Variants in ANXA9 observed in about 807,000 individuals in gnomAD.
The protein encoded by ANXA9 is annexin A9, also known as annexin 31.
ANXA9 carries 47 observed loss-of-function variants against 51.8 expected under a neutral mutation model. The observed-to-expected ratio is 0.91, with a 90% CI of 0.72 to 1.16. ANXA9 has a LOEUF of 1.16. Among genes scored for constraint, ANXA9 ranks in the 50% most tolerant of loss-of-function variants. The pLI is 0.00. For missense variants in ANXA9, 361 were observed against 424.7 expected, an observed-to-expected ratio of 0.85 and a Z score of 1.32; for synonymous variants, 154 against 168.7, an observed-to-expected ratio of 0.91 and a Z score of 0.68.
chr1:150,982,397 G>A lies in ANXA9; in HGVS notation c.-114+18G>A, dbSNP rs1305973661. ...ACCTCTGAGTAAGTACTGGGCCCAC[G>A]GCCCCATGCCAGGAGGGCTTGTTGA... On this transcript the variant is annotated intron_variant, in intron 1 of 13. Transcript: ENST00000368947. 6.6e-6 allele frequency: 1 copy of A among 152,460 alleles called. No homozygotes were observed. Among genetic ancestry groups the A allele is most frequent in the Non-Finnish European group, 1.5e-5 (1 of 68,096 alleles). 9.4% of individuals were successfully genotyped at this position (152,460 alleles called of 1,614,324 possible).
intron 12 of ANXA9, among the ~76,000 whole-genome samples, chr1:150,993,506 C>T (rs1671755185): frequency 6.6e-6 from 1 of 151,646 alleles, no homozygotes; most frequent in African/African-American, 2.4e-5. Context: ...ACGGGGGTTT[C>T]ACCATGTTGG....
rs1346911091 is a variant in ANXA9 at position 150,984,629 on chromosome 1, C to G, written c.425C>G (p.Thr142Ser). Residue 142 changes from threonine (T) to serine (S), a missense_variant, in exon 7 of 14, where the codon ACT becomes AGT. Coordinates refer to ENST00000368947, the MANE Select transcript of ANXA9 (RefSeq NM_003568.3). ...AVDVAIEILATRTPPQLQECL... is the reference protein window; with the variant it reads ...AVDVAIEILASRTPPQLQECL... ...GACGTGGCCATTGAAATTCTTGCCA[C>G]TCGAACCCCACCCCAGCTGCAGGAG... 1.4e-5 allele frequency: 22 copies of G among 1,614,146 alleles called. No individual in the cohort carries two copies. Among genetic ancestry groups the G allele is most frequent in the Non-Finnish European group, 1.9e-5 (22 of 1,180,040 alleles).
chr1:150,988,405 T>C, intron 12 of ANXA9, 64 bp downstream of exon 12: 1 of 1,584,564 alleles, frequency 6.3e-7, no homozygotes, highest in East Asian at 2.2e-5. Context: ...AAGTCTCAGC[T>C]TGCTGCTTAT....
At chr1:150,983,474 A>T (rs1411615931) in intron 4 of ANXA9, 40 bp downstream of exon 4, 3 of 1,552,896 alleles carry the variant, frequency 1.9e-6, no homozygotes, top group Non-Finnish European at 2.6e-6. Context: ...TGCCTTTTAG[A>T]GCCAATCTGT....
rs779911311 is a variant in ANXA9 at position 150,984,020 on chromosome 1, G to C, written c.218G>C (p.Arg73Thr). Reference protein sequence around the residue: ...AIVDVLTNRSREQRQLISRNF... With the variant: ...AIVDVLTNRSTEQRQLISRNF... ...GTGGACGTGCTGACCAACCGGAGCA[G>C]AGAGCAAAGGCAGCTCATCTCACGA... Residue 73 changes from arginine to threonine, a missense_variant, in exon 5 of 14, where the codon AGA becomes ACA. By Grantham distance (71) the Arg-to-Thr change is moderately conservative (BLOSUM62 -1). Coordinates refer to ENST00000368947, the MANE Select transcript of ANXA9 (RefSeq NM_003568.3). 6.2e-7 allele frequency: 1 copy of C among 1,612,410 alleles called. No homozygotes were observed. Among genetic ancestry groups the C allele is most frequent in the Non-Finnish European group, 8.5e-7 (1 of 1,179,608 alleles).
chr1:150,987,764 C>A, intron 9 of ANXA9, 108 bp from the exon 10 acceptor site: 1 of 907,212 alleles, frequency 1.1e-6, no homozygotes. Context: ...ACCCTCAATC[C>A]CATTTCCATC....
At chr1:150,991,013 G>C (rs1322639980) in intron 12 of ANXA9, among the ~76,000 whole-genome samples, 1 of 151,378 alleles carries the variant, frequency 6.6e-6, no homozygotes, top group East Asian at 2.0e-4. Context: ...CGTGGTAGCG[G>C]GCGCCTGTAG....
chr1:150,982,101 A>C (rs1485132189), upstream of ANXA9: 1 of 152,310 alleles, frequency 6.6e-6, no homozygotes, highest in Non-Finnish European at 1.5e-5. Context: ...AGTGGAGTTC[A>C]CTCACATGGA....
Position 150,994,662 on chromosome 1 carries a change from G to T in ANXA9, c.938G>T (p.Arg313Met), listed in dbSNP as rs375967094. 1 of 1,613,914 alleles carries T rather than the reference G, an allele frequency of 6.2e-7. No individual in the cohort carries two copies. Residue 313 changes from arginine (R) to methionine (M), a missense_variant, in exon 13 of 14, where the codon AGG (arginine) becomes ATG (methionine). By Grantham distance (91) the Arg-to-Met change is moderately conservative. Transcript: ENST00000368947. ...TDLLSIRAEF[R>M]KKFGKSLYSS... Reference sequence around the variant, plus strand: ...CTTCTGAGTATCAGAGCTGAGTTCAGGAAGAAATTTGGGAAGTCCCTCTAC... The same window carrying T: ...CTTCTGAGTATCAGAGCTGAGTTCATGAAGAAATTTGGGAAGTCCCTCTAC...
chr1:150,984,755 A>G (rs1308181821), intron 7 of ANXA9, 79 bp downstream of exon 7: 1 of 1,271,104 alleles, frequency 7.9e-7, no homozygotes, highest in African/African-American at 1.5e-5. Context: ...TACTCCCCAT[A>G]GGTGAGCTAT....
At chr1:150,977,571 C>T (rs1387935327), upstream of ANXA9, among the ~76,000 whole-genome samples, 1 of 152,236 alleles carries the variant, frequency 6.6e-6, no homozygotes, top group Non-Finnish European at 1.5e-5. Flanking sequence ...AGGCCATCTC[C>T]AGGCCTTCAG....
At chr1:150,979,805 A>G (rs1402356958), upstream of ANXA9, among the ~76,000 whole-genome samples, 1 of 152,224 alleles carries the variant, frequency 6.6e-6, no homozygotes, top group African/African-American at 2.4e-5. Context: ...TATATTTGAT[A>G]ACATTGTGAC....
intron 2 of ANXA9, 51 bp downstream of exon 2, chr1:150,982,634 C>T: frequency 6.3e-6 from 1 of 157,730 alleles, no homozygotes; most frequent in Non-Finnish European, 1.4e-5. Context: ...GCTGGGGCTG[C>T]CGGTGGGGGA....
chr1:150,983,955 C>T lies in ANXA9; in HGVS notation c.173-20C>T. 1 of 1,606,254 alleles carries T rather than the reference C, an allele frequency of 6.2e-7. No homozygotes were observed. The stretch of plus-strand genomic sequence containing the variant: ...CTATGTAAAGACCCTGCTCACAGCA[C>T]AGCCCTCATCTCGGTTCAGGCGTGG... On this transcript the variant is annotated intron_variant, in intron 4 of 13. Transcript: ENST00000368947.
rs753247700 is a variant in ANXA9, at chr1:150,983,352, G to A, written c.90G>A (p.Gly30=). ...TGCTCCCACAGACTGCAGCGTGGGG[G>A]ACCCTGGGCACCCTCAGGACCTTCT... ...LGLASKTAAW[G]TLGTLRTFLN... is the part of the protein sequence containing the mutation. The change falls in exon 4 of 14, where the codon GGG becomes GGA. Residue 30 remains glycine, a synonymous_variant. Coordinates refer to ENST00000368947, the MANE Select transcript of ANXA9 (RefSeq NM_003568.3). 6.2e-6 allele frequency: 10 copies of A among 1,614,062 alleles called. No individual in the cohort carries two copies. Among genetic ancestry groups the A allele is most frequent in the African/African-American group, 1.3e-5 (1 of 75,048 alleles).
At chr1:150,987,374 TCTCTCTCA>T (rs1558039746) in intron 9 of ANXA9, among the ~76,000 whole-genome samples, 1 of 59,136 alleles carries the variant, frequency 1.7e-5, no homozygotes, top group Non-Finnish European at 3.8e-5. Context: ...TCTCTCTCTC[TCTCTCTCA>T]CACACACACA....
upstream of ANXA9, among the ~76,000 whole-genome samples, chr1:150,978,973 A>G (rs1382899046): frequency 6.6e-6 from 1 of 151,856 alleles, no homozygotes; most frequent in East Asian, 1.9e-4. Flanking sequence ...CAAAAAAAAG[A>G]AAAGAAAAGG....
At chr1:150,977,699 T>C (rs369025581), upstream of ANXA9, among the ~76,000 whole-genome samples, 1 of 152,266 alleles carries the variant, frequency 6.6e-6, no homozygotes, top group East Asian at 1.9e-4. Context: ...CCTATTTGGG[T>C]AAGAAGCAGA....
chr1:150,988,802 GAAGTT>G (rs1276401716), intron 12 of ANXA9, among the ~76,000 whole-genome samples: 1 of 152,040 alleles, frequency 6.6e-6, no homozygotes, highest in Non-Finnish European at 1.5e-5. Flanking sequence ...GAAGCCCAGA[GAAGTT>G]AAGTACCTTG....
Sources: gnomAD v4.1 joint callset for allele counts (sites outside exome capture counted in the v4.1 genomes callset) on GRCh38, gnomAD v4.1.1 for gene constraint, MANE v1.5 for transcripts, NCBI Gene and HGNC (gene_info 2026-07-23, HGNC 2026-07-21) for gene names.